Variants in KAT6A observed in about 807,000 individuals in gnomAD.
The protein encoded by KAT6A is histone acetyltransferase KAT6A.
A neutral mutation model predicts 198.4 loss-of-function variants in KAT6A; 9 were observed. The observed-to-expected ratio is 0.05, with a 90% CI of 0.03 to 0.08. KAT6A has a LOEUF of 0.08. KAT6A is among the 10% of genes least tolerant of loss of function. The probability of loss-of-function intolerance (pLI) is 1.00; values close to 1 mark genes in which losing one functional copy is unlikely to be tolerated. For missense variants in KAT6A, 2,077 were observed against 2,509.9 expected (o/e 0.83, Z 3.69); for synonymous variants, 890 against 883.0 (o/e 1.01, Z -0.14).
chr8:41,934,419 C>T lies in KAT6A; in HGVS notation c.3801G>A (p.Glu1267=), dbSNP rs555349616. Residue 1267 remains glutamate, a synonymous_variant, in exon 17 of 17, where the codon GAG becomes GAA. Coordinates refer to ENST00000265713, the MANE Select transcript of KAT6A (RefSeq NM_006766.5). The part of the protein sequence containing the change: ...SSNSPETETK[E]PEVEEEEEKP... ...TCTCTTCTTCCTCCTCCACCTCAGG[C>T]TCCTTGGTTTCGGTCTCAGGACTAT... 1 of 1,611,616 alleles carries T rather than the reference C, an allele frequency of 6.2e-7. No homozygotes were observed. The highest frequency in any genetic ancestry group is 1.1e-5 in the South Asian group (1 of 90,962).
chr8:42,006,995 CAAAAA>C (rs10701182), intron 2 of KAT6A, among the ~76,000 whole-genome samples: 1 of 88,222 alleles, frequency 1.1e-5, no homozygotes, highest in African/African-American at 4.4e-5. Flanking sequence ...GACTCCATCT[CAAAAA>C]AAAAAAAAAA....
intron 2 of KAT6A, among the ~76,000 whole-genome samples, chr8:42,024,742 T>C (rs1826712392): frequency 6.6e-6 from 1 of 152,238 alleles, no homozygotes; most frequent in Non-Finnish European, 1.5e-5. Context: ...TCCATCCGTG[T>C]TGCTGCAAAT....
At chr8:42,000,702 T>C (rs940052774) in intron 2 of KAT6A, among the ~76,000 whole-genome samples, 3 of 152,168 alleles carry the variant, frequency 2.0e-5, no homozygotes, top group Admixed American at 2.0e-4. Flanking sequence ...AATCGGCATA[T>C]AGCATCATTT....
chr8:41,959,584 C>T (rs1349462388), intron 8 of KAT6A, among the ~76,000 whole-genome samples: 9 of 152,206 alleles, frequency 5.9e-5, no homozygotes, highest in Admixed American at 5.9e-4. Flanking sequence ...GCACTATTTA[C>T]AACCCAAGTA....
At chr8:41,968,247 G>C (rs565927344) in intron 8 of KAT6A, among the ~76,000 whole-genome samples, 253 of 152,194 alleles carry the variant, frequency 1.7e-3, no homozygotes, top group African/African-American at 5.6e-3. Context: ...CTAATATACA[G>C]AATCTACAAT....
chr8:42,033,090 G>A (rs1827206670), intron 2 of KAT6A, among the ~76,000 whole-genome samples: 1 of 151,736 alleles, frequency 6.6e-6, no homozygotes, highest in South Asian at 2.1e-4. Context: ...GGCCAGGGTG[G>A]TCTCGAACTC....
intron 2 of KAT6A, among the ~76,000 whole-genome samples, chr8:42,032,913 C>G (rs1354258880): frequency 2.6e-5 from 3 of 115,138 alleles, no homozygotes; most frequent in Admixed American, 1.2e-4. Context: ...GAGTCTTGCT[C>G]TGTTGCCCAG....
At chr8:41,987,361 T>G (rs1824666693) in intron 3 of KAT6A, 94 bp downstream of exon 3, 6 of 733,932 alleles carry the variant, frequency 8.2e-6, no homozygotes, top group Admixed American at 4.3e-5. Context: ...ACTGTATTAA[T>G]CTCATAAGGA....
chr8:41,939,803 C>G (rs35909219), intron 15 of KAT6A, among the ~76,000 whole-genome samples: 1 of 151,872 alleles, frequency 6.6e-6, no homozygotes, highest in African/African-American at 2.4e-5. Context: ...GATCCTGGAA[C>G]AGAAAAAGGA....
intron 2 of KAT6A, among the ~76,000 whole-genome samples, chr8:42,039,445 AC>A (rs1275470365): frequency 6.6e-6 from 1 of 152,230 alleles, no homozygotes; most frequent in Non-Finnish European, 1.5e-5. Context: ...TTTCTCCAAA[AC>A]TTTAAATGCA....
chr8:41,932,769 T>A lies in KAT6A; in HGVS notation c.5451A>T (p.Ala1817=). 6.2e-7 allele frequency: 1 copy of A among 1,614,214 alleles called. No homozygotes were observed. The change falls in exon 17 of 17, where the codon GCA becomes GCT. Residue 1817 remains alanine (A), a synonymous_variant. Coordinates refer to ENST00000265713, the MANE Select transcript of KAT6A (RefSeq NM_006766.5). ...GAGATGTGAGGTTCATGGTAGTGGA[T>A]GCCAAGTTTGGGGGTGGCGTCATGG... ...QATMTPPPNL[A]STTMNLTSPL...
At position 41,977,181 on chromosome 8, in the gene KAT6A, T is replaced by A; in HGVS notation, c.1190A>T (p.Asn397Ile). 6.2e-7 allele frequency: 1 copy of A among 1,614,174 alleles called. No individual in the cohort carries two copies. The highest frequency in any genetic ancestry group is 8.5e-7 in the Non-Finnish European group (1 of 1,180,016). ...TTTCTTGTTGAACTTCAAGGAGACA[T>A]TGCTATCTCTGCAGAAGTCCAAGCC... ...IDGLDFCRDSNVSLKFNKKTK... is the reference protein window; with the variant it reads ...IDGLDFCRDSIVSLKFNKKTK... The change falls in exon 7 of 17, where the codon AAT (asparagine) becomes ATT (isoleucine). Residue 397 changes from asparagine (N) to isoleucine (I), a missense_variant. Coordinates refer to ENST00000265713, the MANE Select transcript of KAT6A (RefSeq NM_006766.5).
At chr8:42,040,797 G>T (rs1484199561) in intron 2 of KAT6A, among the ~76,000 whole-genome samples, 1 of 139,250 alleles carries the variant, frequency 7.2e-6, no homozygotes, top group Non-Finnish European at 1.6e-5. Flanking sequence ...GTTTGGTATA[G>T]AACTTTGGAT....
intron 8 of KAT6A, among the ~76,000 whole-genome samples, chr8:41,963,763 T>C (rs182575034): frequency 3.3e-5 from 5 of 152,136 alleles, no homozygotes; most frequent in Non-Finnish European, 2.9e-5. Flanking sequence ...ACTTAACTAC[T>C]TTAAAGAGCT....
Position 41,986,371 on chromosome 8 carries a change from A to G in KAT6A, c.709+1084T>C, listed in dbSNP as rs185136577. On this transcript the variant is annotated intron_variant, in intron 3 of 16. Coordinates refer to ENST00000265713, the MANE Select transcript of KAT6A (RefSeq NM_006766.5). ...ACTGCAGTATCAACACTATTTCCCA[A>G]TGTGACATATGTAAGTTTCCATCAA... Among the ~76,000 whole-genome samples, 20 of 152,298 alleles carry G rather than the reference A, an allele frequency of 1.3e-4. No individual in the cohort carries two copies. The East Asian group carries it at 3.7e-3, about 28-fold the overall frequency.
chr8:41,943,746 A>G lies in KAT6A; in HGVS notation c.2228+2T>C. The G allele has an allele frequency of 6.2e-7, 1 of 1,604,804 alleles. No individual in the cohort carries two copies. Among genetic ancestry groups the G allele is most frequent in the Non-Finnish European group, 8.5e-7 (1 of 1,171,720 alleles). On this transcript the variant is annotated splice_donor_variant, in intron 13 of 16. Transcript: ENST00000265713. LOFTEE classifies it high-confidence loss of function. ...AGGTATACAAAAAGATGTGATACTC[A>G]CTGGTCACTACGGAAGTCCAGCATT...
At chr8:42,025,399 G>C (rs1239516173) in intron 2 of KAT6A, among the ~76,000 whole-genome samples, 1 of 148,196 alleles carries the variant, frequency 6.7e-6, no homozygotes, top group African/African-American at 2.5e-5. Context: ...TTTTAGTAGA[G>C]ACGGGGTTTC....
intron 15 of KAT6A, 140 bp downstream of exon 15, chr8:41,940,702 A>G: frequency 9.8e-7 from 1 of 1,021,582 alleles, no homozygotes; most frequent in African/African-American, 1.6e-5. Flanking sequence ...CTTGAGCTAC[A>G]ATATACAGAG....
chr8:41,978,511 T>C (rs1824181281), intron 6 of KAT6A, 131 bp downstream of exon 6: 1 of 874,376 alleles, frequency 1.1e-6, no homozygotes, highest in Non-Finnish European at 1.8e-6. Flanking sequence ...GAATAAGTGT[T>C]AGCCATTATT....
Sources: gnomAD v4.1 joint callset for allele counts (sites outside exome capture counted in the v4.1 genomes callset) on GRCh38, gnomAD v4.1.1 for gene constraint, MANE v1.5 for transcripts, NCBI Gene and HGNC (gene_info 2026-07-23, HGNC 2026-07-21) for gene names.